Variants in CLSTN2 observed in about 807,000 individuals in gnomAD.
CLSTN2 encodes calsyntenin-2.
CLSTN2 carries 48 observed loss-of-function variants against 101.2 expected under a neutral mutation model. The observed-to-expected ratio is 0.47, with a 90% CI of 0.38 to 0.60. CLSTN2 has a LOEUF of 0.60. Among genes scored for constraint, CLSTN2 ranks in the 20% least tolerant of loss-of-function variants. The pLI is 0.00. For synonymous variants in CLSTN2, 481 were observed against 463.6 expected, an observed-to-expected ratio of 1.04 and a Z score of -0.48; for missense variants, 1,160 against 1,238.2, an observed-to-expected ratio of 0.94 and a Z score of 0.95.
intron 8 of CLSTN2, among the ~76,000 whole-genome samples, chr3:140,525,143 A>T (rs1576611623): frequency 6.6e-6 from 1 of 152,206 alleles, no homozygotes; most frequent in African/African-American, 2.4e-5. Flanking sequence ...CATACAAAAG[A>T]TCAATAAAAC....
At chr3:140,373,260 T>A (rs970446483) in intron 2 of CLSTN2, among the ~76,000 whole-genome samples, 1 of 152,100 alleles carries the variant, frequency 6.6e-6, no homozygotes, top group Non-Finnish European at 1.5e-5. Context: ...ACACTGACAA[T>A]AGGAGAGATC....
intron 2 of CLSTN2, among the ~76,000 whole-genome samples, chr3:140,399,852 C>A (rs1011794458): frequency 2.0e-5 from 3 of 152,054 alleles, no homozygotes; most frequent in Non-Finnish European, 2.9e-5. Context: ...GTTTTCCTGA[C>A]CTTGCCTCCC....
At chr3:140,059,661 T>C (rs1392805298) in intron 1 of CLSTN2, among the ~76,000 whole-genome samples, 1 of 152,050 alleles carries the variant, frequency 6.6e-6, no homozygotes, top group East Asian at 1.9e-4. Context: ...GAGGATGAGG[T>C]CAGGGCAGTG....
At chr3:140,157,721 T>A (rs1256049102) in intron 1 of CLSTN2, among the ~76,000 whole-genome samples, 1 of 152,216 alleles carries the variant, frequency 6.6e-6, no homozygotes, top group African/African-American at 2.4e-5. Flanking sequence ...GATTTCTGCA[T>A]CTCAGTTTCA....
chr3:140,389,508 T>A (rs1303350870), intron 2 of CLSTN2, among the ~76,000 whole-genome samples: 1 of 152,252 alleles, frequency 6.6e-6, no homozygotes, highest in Non-Finnish European at 1.5e-5. Context: ...ATGGTGTATA[T>A]GTATTTTCTT....
intron 15 of CLSTN2, among the ~76,000 whole-genome samples, chr3:140,563,611 T>G (rs1191579505): frequency 6.6e-6 from 1 of 152,224 alleles, no homozygotes; most frequent in African/African-American, 2.4e-5. Flanking sequence ...TATCTGTTTC[T>G]ACTAAACTCT....
chr3:140,403,059 T>A (rs963954828), intron 2 of CLSTN2, among the ~76,000 whole-genome samples: 3 of 152,262 alleles, frequency 2.0e-5, no homozygotes, highest in Non-Finnish European at 4.4e-5. Flanking sequence ...GATATTATCA[T>A]GGCATTATAA....
In CLSTN2 at chr3:139,949,722, G is replaced by A. The variant is rs145833886; in HGVS notation, c.109+14239G>A. Among the ~76,000 whole-genome samples, 363 of 152,320 alleles carry A rather than the reference G, an allele frequency of 2.4e-3. 2 individuals are homozygous for A. Among genetic ancestry groups the A allele is most frequent in the Non-Finnish European group, 3.7e-3 (253 of 68,030 alleles). On this transcript the variant is annotated intron_variant, in intron 1 of 16. Coordinates refer to ENST00000458420, the MANE Select transcript of CLSTN2 (RefSeq NM_022131.3). ...CTCCATAGCATTGGATACCAAACAC[G>A]TGGGAGAATATCTTCTGTCACGCAC...
At chr3:140,295,009 C>T (rs1378583605) in intron 2 of CLSTN2, among the ~76,000 whole-genome samples, 1 of 152,180 alleles carries the variant, frequency 6.6e-6, no homozygotes, top group African/African-American at 2.4e-5. Context: ...AATGCTGTCA[C>T]ATTGGGGGTT....
At chr3:140,412,354 C>G (rs913800840) in intron 4 of CLSTN2, among the ~76,000 whole-genome samples, 1 of 152,122 alleles carries the variant, frequency 6.6e-6, no homozygotes, top group African/African-American at 2.4e-5. Context: ...AACAAGCAGG[C>G]ATGAGTTCTA....
intron 2 of CLSTN2, among the ~76,000 whole-genome samples, chr3:140,362,705 A>G (rs1048601467): frequency 1.3e-5 from 2 of 152,230 alleles, no homozygotes; most frequent in Non-Finnish European, 2.9e-5. Flanking sequence ...CAATAAGCAC[A>G]TGAAATGGTA....
At chr3:140,213,537 G>A (rs1422698293) in intron 2 of CLSTN2, among the ~76,000 whole-genome samples, 1 of 152,184 alleles carries the variant, frequency 6.6e-6, no homozygotes, top group Non-Finnish European at 1.5e-5. Flanking sequence ...GGAGCACATG[G>A]CCCACAGGCC....
chr3:140,056,823 G>T (rs1258222018), intron 1 of CLSTN2, among the ~76,000 whole-genome samples: 3 of 152,196 alleles, frequency 2.0e-5, no homozygotes, highest in Non-Finnish European at 4.4e-5. Flanking sequence ...ACAAGGGTAG[G>T]TTCCTTGAAT....
chr3:139,989,453 G>A lies in CLSTN2; in HGVS notation c.109+53970G>A, dbSNP rs1435727352. On this transcript the variant is annotated intron_variant, in intron 1 of 16. Transcript: ENST00000458420. ...TTGCAGAGAGTGCTGCCCTCCACAC[G>A]GCTTGTGCCTCTTACTTCCACGTGG... Among the ~76,000 whole-genome samples, 5 of 152,018 alleles carry A rather than the reference G, an allele frequency of 3.3e-5. No homozygotes were observed. In the East Asian group the frequency reaches 5.8e-4, roughly 18 times the overall value.
At chr3:140,075,585 C>T (rs538332930) in intron 1 of CLSTN2, among the ~76,000 whole-genome samples, 1 of 152,194 alleles carries the variant, frequency 6.6e-6, no homozygotes, top group Admixed American at 6.5e-5. Flanking sequence ...ATTATCTCTG[C>T]TCCTTATGCC....
At chr3:140,094,662 G>C (rs887193948) in intron 1 of CLSTN2, among the ~76,000 whole-genome samples, 1 of 152,206 alleles carries the variant, frequency 6.6e-6, no homozygotes, top group African/African-American at 2.4e-5. Flanking sequence ...TAAACAGCTA[G>C]GGTGCTGTGC....
At chr3:140,358,256 T>C (rs891730199) in intron 2 of CLSTN2, among the ~76,000 whole-genome samples, 2 of 152,096 alleles carry the variant, frequency 1.3e-5, no homozygotes, top group Non-Finnish European at 1.5e-5. Flanking sequence ...TTCCTGGCTT[T>C]AGGAAGCATT....
Position 140,023,023 on chromosome 3 carries a change from T to C in CLSTN2, c.109+87540T>C, listed in dbSNP as rs1360094955. Among the ~76,000 whole-genome samples, 3 of 152,226 alleles carry C rather than the reference T, an allele frequency of 2.0e-5. No homozygotes were observed. The East Asian group carries it at 5.8e-4, about 29-fold the overall frequency. ...GGAGGAAAGGGCTTCAACGTTCCTCTGCTCTTCTTTGGGAGCTGTGTGTTT... is the reference window on the plus strand; with the variant it reads ...GGAGGAAAGGGCTTCAACGTTCCTCCGCTCTTCTTTGGGAGCTGTGTGTTT... On this transcript the variant is annotated intron_variant, in intron 1 of 16. Transcript: ENST00000458420.
At chr3:140,342,393 C>T (rs1322380887) in intron 2 of CLSTN2, among the ~76,000 whole-genome samples, 2 of 152,116 alleles carry the variant, frequency 1.3e-5, no homozygotes, top group Non-Finnish European at 2.9e-5. Context: ...GGATGAGTAT[C>T]TTTCTAGGTC....
Sources: allele counts gnomAD v4.1 joint callset (sites outside exome capture counted in the v4.1 genomes callset), GRCh38; gene constraint gnomAD v4.1.1; transcripts MANE v1.5; gene names NCBI Gene and HGNC (gene_info 2026-07-23, HGNC 2026-07-21).